MACROD2: variants seen among roughly 807,000 people sequenced by gnomAD.
The protein encoded by MACROD2 is mono-ADP ribosylhydrolase 2.
In MACROD2, 36 loss-of-function variants were observed where a neutral mutation model predicts 70.4. The observed-to-expected ratio is 0.51, with a 90% confidence interval of 0.39 to 0.68. The LOEUF is 0.68. MACROD2 is among the 30% of genes least tolerant of loss of function. The pLI is 0.00. For synonymous variants in MACROD2, 172 were observed against 178.8 expected (o/e 0.96, Z 0.30); for missense variants, 496 against 538.4 (o/e 0.92, Z 0.78).
At chr20:14,162,568 G>T (rs2055205862) in intron 3 of MACROD2, among the ~76,000 whole-genome samples, 1 of 152,060 alleles carries the variant, frequency 6.6e-6, no homozygotes, top group African/African-American at 2.4e-5. Context: ...AATATATTTA[G>T]AATTGTTATA....
intron 5 of MACROD2, among the ~76,000 whole-genome samples, chr20:14,764,013 G>A (rs2144945): frequency 0.022 from 3,346 of 152,020 alleles, 144 homozygotes; most frequent in African/African-American, 0.076. Context: ...TATCCCACAT[G>A]CATATATGTG....
chr20:14,788,840 C>T (rs1327223035), intron 5 of MACROD2, among the ~76,000 whole-genome samples: 1 of 137,090 alleles, frequency 7.3e-6, no homozygotes, highest in Admixed American at 8.0e-5. Flanking sequence ...GCGATCTCGG[C>T]TTACTGCAAT....
At chr20:15,771,226 G>A (rs1002939615) in intron 8 of MACROD2, among the ~76,000 whole-genome samples, 2 of 152,038 alleles carry the variant, frequency 1.3e-5, no homozygotes, top group Non-Finnish European at 2.9e-5. Flanking sequence ...CCAGGCTGGT[G>A]TACAGTGGCA....
chr20:14,370,558 G>A (rs1350671250), intron 3 of MACROD2, among the ~76,000 whole-genome samples: 1 of 152,130 alleles, frequency 6.6e-6, no homozygotes, highest in African/African-American at 2.4e-5. Flanking sequence ...ATTCCCATAA[G>A]GAGTTTTCTG....
chr20:15,785,467 G>A (rs1406271708), intron 8 of MACROD2, among the ~76,000 whole-genome samples: 2 of 152,134 alleles, frequency 1.3e-5, no homozygotes, highest in East Asian at 1.9e-4. Context: ...TTTACATCGA[G>A]TTGTAAAACC....
chr20:14,356,455 C>T (rs1237398548), intron 3 of MACROD2, among the ~76,000 whole-genome samples: 1 of 150,346 alleles, frequency 6.7e-6, no homozygotes, highest in Non-Finnish European at 1.5e-5. Flanking sequence ...CTCCACAGGG[C>T]ATCAACTGAG....
intron 4 of MACROD2, chr20:14,636,530 C>T (rs1396550707): frequency 3.3e-5 from 5 of 152,108 alleles, no homozygotes; most frequent in Non-Finnish European, 5.9e-5. Context: ...ACACGAAAGG[C>T]AAGAGTGATC....
At chr20:15,998,564 CTTTTT>C (rs34750465) in intron 15 of MACROD2, among the ~76,000 whole-genome samples, 4 of 117,558 alleles carry the variant, frequency 3.4e-5, no homozygotes, top group Admixed American at 9.0e-5. Context: ...TGAGTTCTCT[CTTTTT>C]TTTTTTTTTT....
chr20:15,056,873 CAGAT>C (rs1292012588), intron 5 of MACROD2, among the ~76,000 whole-genome samples: 4 of 152,052 alleles, frequency 2.6e-5, no homozygotes, highest in Non-Finnish European at 5.9e-5. Flanking sequence ...TCAGGAGAAA[CAGAT>C]AGGAGTGGAG....
intron 8 of MACROD2, among the ~76,000 whole-genome samples, chr20:15,741,252 C>A (rs562482264): frequency 6.9e-6 from 1 of 145,800 alleles, no homozygotes; most frequent in Non-Finnish European, 1.5e-5. Context: ...CCACCACACC[C>A]GGCTAATTTT....
At chr20:15,893,919 C>T (rs773164984) in intron 10 of MACROD2, 1 of 456,662 alleles carries the variant, frequency 2.2e-6, no homozygotes, top group South Asian at 1.5e-5. Flanking sequence ...GGAGGCTCAG[C>T]TAGGAAGTGC....
intron 8 of MACROD2, among the ~76,000 whole-genome samples, chr20:15,829,951 T>C (rs1369352287): frequency 6.6e-6 from 1 of 152,134 alleles, no homozygotes; most frequent in Non-Finnish European, 1.5e-5. Context: ...CTTTGCAGAC[T>C]CAAGGAATAG....
At chr20:15,818,387 G>T (rs1053977235) in intron 8 of MACROD2, among the ~76,000 whole-genome samples, 2 of 152,142 alleles carry the variant, frequency 1.3e-5, no homozygotes, top group Non-Finnish European at 2.9e-5. Context: ...CCCCCTTTTA[G>T]ACCATCTAGG....
intron 5 of MACROD2, among the ~76,000 whole-genome samples, chr20:15,023,782 T>C (rs2075208862): frequency 6.6e-6 from 1 of 152,128 alleles, no homozygotes; most frequent in Non-Finnish European, 1.5e-5. Context: ...GTGGGAATTC[T>C]GGGGGCTGCA....
At chr20:15,669,664 A>G (rs1192204678) in intron 8 of MACROD2, among the ~76,000 whole-genome samples, 1 of 152,240 alleles carries the variant, frequency 6.6e-6, no homozygotes, top group African/African-American at 2.4e-5. Context: ...GAGAACGGGT[A>G]TCATTAGGGA....
At chr20:14,684,451 A>G (rs2070974169) in intron 4 of MACROD2, among the ~76,000 whole-genome samples, 2 of 152,122 alleles carry the variant, frequency 1.3e-5, no homozygotes, top group Admixed American at 1.3e-4. Context: ...GGAAAGAGAG[A>G]CAATTGTGAG....
intron 9 of MACROD2, among the ~76,000 whole-genome samples, chr20:15,879,246 A>G (rs940162870): frequency 6.6e-6 from 1 of 151,928 alleles, no homozygotes; most frequent in African/African-American, 2.4e-5. Flanking sequence ...AAGGGCTGCA[A>G]CTCTGTGCCC....
intron 6 of MACROD2, among the ~76,000 whole-genome samples, chr20:15,412,105 T>C (rs1403846982): frequency 6.6e-6 from 1 of 152,150 alleles, no homozygotes; most frequent in Admixed American, 6.5e-5. Context: ...GCTAAATGGA[T>C]CAAAATTAGT....
At chr20:15,339,560 T>C (rs183450896) in intron 6 of MACROD2, among the ~76,000 whole-genome samples, 1 of 151,776 alleles carries the variant, frequency 6.6e-6, no homozygotes, top group African/African-American at 2.4e-5. Context: ...GCTGGAAAAA[T>C]ATTTCTCTAG....
Sources: gnomAD v4.1 joint callset for allele counts (sites outside exome capture counted in the v4.1 genomes callset) on GRCh38, gnomAD v4.1.1 for gene constraint, MANE v1.5 for transcripts, NCBI Gene and HGNC (gene_info 2026-07-23, HGNC 2026-07-21) for gene names.